SEC14L1: variants seen among roughly 807,000 people sequenced by gnomAD.
SEC14L1 encodes the protein SEC14 like lipid binding 1, also known as SEC14-like protein 1.
SEC14L1 carries 48 observed loss-of-function variants against 85.3 expected under a neutral mutation model. The ratio of observed to expected loss-of-function variants is 0.56; its 90% confidence interval spans 0.45 to 0.72. The LOEUF (loss-of-function observed/expected upper bound fraction) is 0.72. Ranked by LOEUF, SEC14L1 falls within the 30% of genes least tolerant of loss-of-function variation. The pLI is 0.00. For missense variants in SEC14L1, 682 were observed against 921.4 expected, an observed-to-expected ratio of 0.74 and a Z score of 3.36; for synonymous variants, 391 against 355.5, an observed-to-expected ratio of 1.10 and a Z score of -1.12.
chr17:77,174,461 C>G (rs1974657952), intron 3 of SEC14L1, among the ~76,000 whole-genome samples: 1 of 152,218 alleles, frequency 6.6e-6, no homozygotes, highest in Non-Finnish European at 1.5e-5. Flanking sequence ...CACACACTTT[C>G]AACCTCCAGG....
chr17:77,163,546 CTTG>C (rs1389982689), intron 3 of SEC14L1, among the ~76,000 whole-genome samples: 3 of 152,234 alleles, frequency 2.0e-5, no homozygotes, highest in South Asian at 2.1e-4. Context: ...CAGAGTCAAA[CTTG>C]TTGTTAACAA....
At chr17:77,104,788 T>C (rs35444811) in intron 3 of SEC14L1, among the ~76,000 whole-genome samples, 37,644 of 128,976 alleles carry the variant, frequency 0.29, 5,222 homozygotes, top group South Asian at 0.49. Flanking sequence ...GAGACTCCAT[T>C]TCAAAAAAAA....
chr17:77,104,671 A>T (rs561921132), intron 3 of SEC14L1, among the ~76,000 whole-genome samples: 96 of 150,614 alleles, frequency 6.4e-4, no homozygotes, highest in Non-Finnish European at 1.2e-3. Context: ...GGCACCTGGA[A>T]TCCCAGCTAC....
At chr17:77,119,309 A>C (rs1256970450) in intron 3 of SEC14L1, among the ~76,000 whole-genome samples, 3 of 91,592 alleles carry the variant, frequency 3.3e-5, no homozygotes, top group East Asian at 3.3e-4. Context: ...CTCCATCCCA[A>C]AAAAAAAAAA....
chr17:77,214,114 C>T lies in SEC14L1; in HGVS notation c.*91C>T. The T allele has an allele frequency of 2.0e-6, 3 of 1,527,758 alleles. No homozygotes were observed. Among genetic ancestry groups the T allele is most frequent in the East Asian group, 2.3e-5 (1 of 43,780 alleles). The allele number at this position is 1,527,758 out of a possible 1,614,324, so 94.6% of individuals were successfully genotyped here. On this transcript the variant is annotated 3_prime_UTR_variant, in exon 17 of 17. Transcript: ENST00000436233. ...CCGCCCACCCAGCGGCGACATTGTACAGACTCCTCTCACCTCTAGATAGCA... is the reference window on the plus strand; with the variant it reads ...CCGCCCACCCAGCGGCGACATTGTATAGACTCCTCTCACCTCTAGATAGCA...
intron 3 of SEC14L1, among the ~76,000 whole-genome samples, chr17:77,163,823 C>G (rs1005970505): frequency 1.3e-5 from 2 of 152,148 alleles, no homozygotes; most frequent in African/African-American, 4.8e-5. Flanking sequence ...TCTCTATGCC[C>G]CAAGTTGCAA....
At chr17:77,193,591 G>A in intron 6 of SEC14L1, 42 bp downstream of exon 6, 14 of 1,578,056 alleles carry the variant, frequency 8.9e-6, no homozygotes, top group Non-Finnish European at 1.2e-5. Context: ...GTGGGCAGGA[G>A]TCTCTGAGAT....
At chr17:77,205,224 A>T in intron 10 of SEC14L1, 52 bp from the exon 11 acceptor site, 2 of 1,481,402 alleles carry the variant, frequency 1.4e-6, no homozygotes, top group Non-Finnish European at 1.9e-6. Context: ...TGGACGCGGT[A>T]GTTTTAGCCT....
At chr17:77,187,773 C>G (rs1220847400) in intron 3 of SEC14L1, among the ~76,000 whole-genome samples, 1 of 142,952 alleles carries the variant, frequency 7.0e-6, no homozygotes, top group East Asian at 2.0e-4. Context: ...GGGTCTTACT[C>G]TTACTCTGTT....
Position 77,214,020 on chromosome 17 carries a change from G to A in SEC14L1, c.2145G>A (p.Arg715=). ...CCCACTCCAGCTCCATGATCTCCAG[G>A]TAGTGCCGCGCTGCCTGCACCTAGT... ...SQSHSSSMIS[R] Residue 715 remains arginine, a synonymous_variant, in exon 17 of 17, where the codon AGG becomes AGA. Coordinates refer to ENST00000436233, the MANE Select transcript of SEC14L1 (RefSeq NM_001143998.2). 6.2e-7 allele frequency: 1 copy of A among 1,612,218 alleles called. No homozygotes were observed. The highest frequency in any genetic ancestry group is 8.5e-7 in the Non-Finnish European group (1 of 1,179,778).
chr17:77,124,390 C>G (rs1478078993), intron 3 of SEC14L1, among the ~76,000 whole-genome samples: 1 of 152,048 alleles, frequency 6.6e-6, no homozygotes, highest in Non-Finnish European at 1.5e-5. Context: ...CCGGAAACCA[C>G]GTCTTGTTTC....
rs1340187344 is a variant in SEC14L1, at chr17:77,213,633, G to A, written c.2042+141G>A. ...GAGGGCCAGGAGGGAGTGGCTTTGG[G>A]GTCATTTGTTGGCACGGTGACTCCC... is the stretch of plus-strand genomic sequence containing the variant. On this transcript the variant is annotated intron_variant, in intron 16 of 16. Coordinates refer to ENST00000436233, the MANE Select transcript of SEC14L1 (RefSeq NM_001143998.2). The surrounding 1 kb of genome is among the most constrained non-coding windows in gnomAD (Gnocchi z 7.1). 1 of 1,075,420 alleles carries A rather than the reference G, an allele frequency of 9.3e-7. No individual in the cohort carries two copies. The highest frequency in any genetic ancestry group is 1.4e-6 in the Non-Finnish European group (1 of 725,218). The allele number at this position is 1,075,420 out of a possible 1,614,324, so 66.6% of individuals were successfully genotyped here.
chr17:77,189,150 A>G (rs761659170), intron 3 of SEC14L1, among the ~76,000 whole-genome samples: 2 of 152,224 alleles, frequency 1.3e-5, no homozygotes, highest in African/African-American at 2.4e-5. Context: ...ACCTCATTCT[A>G]TAAAACAGAA....
At chr17:77,209,194 A>G (rs1976614525) in intron 13 of SEC14L1, 148 bp from the exon 14 acceptor site, 3 of 815,452 alleles carry the variant, frequency 3.7e-6, no homozygotes, top group Non-Finnish European at 5.7e-6. Flanking sequence ...TCAGTAGTGC[A>G]GAGTGTTTTA....
At chr17:77,130,861 T>C (rs1039578371) in intron 3 of SEC14L1, among the ~76,000 whole-genome samples, 40 of 151,922 alleles carry the variant, frequency 2.6e-4, no homozygotes, top group African/African-American at 9.4e-4. Flanking sequence ...CCGCCTCGAC[T>C]TCCCAAAGTG....
chr17:77,175,527 A>G (rs992372989), intron 3 of SEC14L1, among the ~76,000 whole-genome samples: 2 of 152,196 alleles, frequency 1.3e-5, no homozygotes, highest in African/African-American at 4.8e-5. Context: ...CTAGGCATGG[A>G]CTTATCCTAT....
At chr17:77,139,733 C>T (rs568441968), upstream of SEC14L1, among the ~76,000 whole-genome samples, 4 of 151,320 alleles carry the variant, frequency 2.6e-5, no homozygotes, top group African/African-American at 9.7e-5. Flanking sequence ...CTCCTGACCT[C>T]GTGATCCGCC....
In SEC14L1 at chr17:77,176,829, C is replaced by T. The variant is rs575868528; in HGVS notation, c.64-13974C>T. ...CTTGAACTCCCAACCTCAGGTGATCCGCCCACCTTGACCTCCCAAAGTGCT... is the reference window on the plus strand; with the variant it reads ...CTTGAACTCCCAACCTCAGGTGATCTGCCCACCTTGACCTCCCAAAGTGCT... On this transcript the variant is annotated intron_variant, in intron 3 of 16. Transcript: ENST00000436233. Among the ~76,000 whole-genome samples, 6 of 152,184 alleles carry T rather than the reference C, an allele frequency of 3.9e-5. No homozygotes were observed. The East Asian group carries it at 5.8e-4, about 15-fold the overall frequency.
chr17:77,097,555 T>C (rs1971675266), intron 3 of SEC14L1, among the ~76,000 whole-genome samples: 1 of 137,776 alleles, frequency 7.3e-6, no homozygotes, highest in Non-Finnish European at 1.5e-5. Flanking sequence ...AGAGCAAGAC[T>C]CCATCTCAAG....
Sources: allele counts gnomAD v4.1 joint callset (sites outside exome capture counted in the v4.1 genomes callset), GRCh38; gene constraint gnomAD v4.1.1; non-coding constraint Gnocchi (gnomAD v3.1); transcripts MANE v1.5; gene names NCBI Gene and HGNC (gene_info 2026-07-23, HGNC 2026-07-21).